The following WDR49 variants were observed in gnomAD, a reference collection of about 807,000 sequenced individuals.
WDR49 encodes WD repeat domain 49, also known as cilia- and flagella-associated protein 337.
A neutral mutation model predicts 119.5 loss-of-function variants in WDR49; 107 were observed. The observed-to-expected ratio is 0.90, with a 90% CI of 0.77 to 1.05. The LOEUF (loss-of-function observed/expected upper bound fraction) is 1.05. Ranked by LOEUF, WDR49 falls within the 50% of genes least tolerant of loss-of-function variation. The pLI is 0.00. For synonymous variants in WDR49, 425 were observed against 418.8 expected, an observed-to-expected ratio of 1.01 and a Z score of -0.18; for missense variants, 1,240 against 1,220.5, an observed-to-expected ratio of 1.02 and a Z score of -0.24.
intron 9 of WDR49, among the ~76,000 whole-genome samples, chr3:167,558,323 G>A (rs1713066378): frequency 2.0e-5 from 3 of 152,122 alleles, no homozygotes; most frequent in African/African-American, 7.2e-5. Flanking sequence ...CATAATGAAT[G>A]AGTTAATAAT....
At chr3:167,567,785 G>T (rs1280382818) in intron 8 of WDR49, among the ~76,000 whole-genome samples, 1 of 152,154 alleles carries the variant, frequency 6.6e-6, no homozygotes, top group Non-Finnish European at 1.5e-5. Context: ...GGGGCCAGGG[G>T]CATTGTCTAA....
chr3:167,560,617 C>T (rs1267546046), intron 8 of WDR49, among the ~76,000 whole-genome samples: 1 of 152,128 alleles, frequency 6.6e-6, no homozygotes, highest in African/African-American at 2.4e-5. Flanking sequence ...TATAATATAG[C>T]AGCTTTCATT....
rs116856922 is a variant in WDR49 at position 167,573,533 on chromosome 3, A to G, written c.1509+2385T>C. ...TATAAGAGCACACATTCCCTTAGCC[A>G]TAAGAACAATGCTGTTATCACACAA... is the stretch of plus-strand genomic sequence containing the variant. On this transcript the variant is annotated intron_variant, in intron 8 of 18. Coordinates refer to ENST00000682715, the MANE Select transcript of WDR49 (RefSeq NM_001366157.1). Among the ~76,000 whole-genome samples the G allele has an allele frequency of 1.0e-3, 159 of 152,274 alleles. 3 individuals carry two copies. In the East Asian group the frequency reaches 0.024, roughly 23 times the overall value.
intron 17 of WDR49, 76 bp from the exon 18 acceptor site, chr3:167,500,375 C>A: frequency 6.6e-7 from 1 of 1,522,734 alleles, no homozygotes; most frequent in Non-Finnish European, 8.8e-7. Flanking sequence ...AAAGAGCCAG[C>A]ACATTTCCAA....
At chr3:167,522,949 G>T (rs773449779) in intron 15 of WDR49, among the ~76,000 whole-genome samples, 1 of 152,132 alleles carries the variant, frequency 6.6e-6, no homozygotes, top group Non-Finnish European at 1.5e-5. Context: ...TTATATAATA[G>T]TTTTCACAGA....
upstream of WDR49, among the ~76,000 whole-genome samples, chr3:167,656,552 C>T (rs564944584): frequency 2.3e-4 from 35 of 152,152 alleles, no homozygotes; most frequent in Non-Finnish European, 4.3e-4. Flanking sequence ...ACTTAGCTTC[C>T]ATAAAGTTGC....
rs1201127252 is a variant in WDR49, at chr3:167,653,292, C to A, written c.134G>T (p.Gly45Val). Residue 45 changes from glycine to valine, a missense_variant, in exon 2 of 19, where the codon GGT (glycine) becomes GTT (valine). Coordinates refer to ENST00000682715, the MANE Select transcript of WDR49 (RefSeq NM_001366157.1). ...TGLLENQLSV[G>V]DFVKIQKAFE... is the part of the protein sequence containing the mutation. ...GGCCTTCTGTATTTTTACAAAGTCA[C>A]CCACGCTGAGTTGGTTTTCAAGCAG... is the stretch of plus-strand genomic sequence containing the variant. The A allele has an allele frequency of 1.4e-5, 21 of 1,536,118 alleles. No individual in the cohort carries two copies. Among genetic ancestry groups the A allele is most frequent in the Non-Finnish European group, 1.8e-5 (21 of 1,146,878 alleles).
Position 167,522,415 on chromosome 3 carries a change from T to C in WDR49, c.2674A>G (p.Ile892Val). The C allele has an allele frequency of 6.2e-7, 1 of 1,611,800 alleles. No homozygotes were observed. The highest frequency in any genetic ancestry group is 8.5e-7 in the Non-Finnish European group (1 of 1,179,308). ...GAAAATAAAGAAATTTCCTTTTGAA[T>C]CTCACTTTCCACTAAATTAGTATCT... The part of the protein sequence containing the change: ...KRDTNLVESE[I>V]QKEISLFSKE... Residue 892 changes from isoleucine (I) to valine (V), a missense_variant, in exon 16 of 19, where the codon ATT (isoleucine) becomes GTT (valine). Physicochemically the swap from Ile to Val is conservative, Grantham distance 29. Transcript: ENST00000682715.
chr3:167,508,767 G>A (rs1751865046), intron 16 of WDR49, among the ~76,000 whole-genome samples: 1 of 152,140 alleles, frequency 6.6e-6, no homozygotes, highest in Non-Finnish European at 1.5e-5. Context: ...ATGGACATAG[G>A]ATAGTTATTG....
At chr3:167,485,887 C>T (rs1750901037) in intron 18 of WDR49, among the ~76,000 whole-genome samples, 1 of 151,392 alleles carries the variant, frequency 6.6e-6, no homozygotes, top group East Asian at 1.9e-4. Context: ...CACACAAATC[C>T]AAGAAATACA....
At chr3:167,645,766 T>C (rs955087349) in intron 2 of WDR49, among the ~76,000 whole-genome samples, 3 of 152,158 alleles carry the variant, frequency 2.0e-5, no homozygotes, top group African/African-American at 4.8e-5. Context: ...TCCTCCAGAA[T>C]CTATGTTGCG....
In WDR49 at chr3:167,479,105, G is replaced by A. The variant is rs902685809; in HGVS notation, c.3032-109C>T. The A allele has an allele frequency of 8.2e-6, 7 of 856,232 alleles. No homozygotes were observed. The Admixed American group carries it at 1.6e-4, about 20-fold the overall frequency. 53.0% of individuals were successfully genotyped at this position (856,232 alleles called of 1,614,324 possible). A position where few individuals can be genotyped will look rare whatever the true frequency, so the allele number is the denominator to read the frequency against. On this transcript the variant is annotated intron_variant, in intron 18 of 18. Coordinates refer to ENST00000682715, the MANE Select transcript of WDR49 (RefSeq NM_001366157.1). The stretch of plus-strand genomic sequence containing the variant: ...AATTTTGCTTTTTCTAAAAATCTTT[G>A]TTTCTAAAACACAGAGTGTATTTGG...
chr3:167,480,037 C>T (rs986162347), intron 18 of WDR49, among the ~76,000 whole-genome samples: 2 of 151,756 alleles, frequency 1.3e-5, no homozygotes, highest in African/African-American at 4.8e-5. Context: ...TCGAGACTAG[C>T]CTGGCCAATT....
intron 10 of WDR49, among the ~76,000 whole-genome samples, chr3:167,542,984 A>G (rs1480650461): frequency 6.6e-6 from 1 of 152,092 alleles, no homozygotes; most frequent in East Asian, 1.9e-4. Context: ...CCACAGAAAT[A>G]TGAAAGATCA....
At chr3:167,553,402 G>A (rs1414536560) in intron 10 of WDR49, among the ~76,000 whole-genome samples, 3 of 151,838 alleles carry the variant, frequency 2.0e-5, no homozygotes, top group Non-Finnish European at 4.4e-5. Context: ...CCACTTTTAG[G>A]TGACTCTACA....
chr3:167,646,955 T>C (rs747144731), intron 2 of WDR49, among the ~76,000 whole-genome samples: 2 of 152,138 alleles, frequency 1.3e-5, no homozygotes, highest in African/African-American at 2.4e-5. Flanking sequence ...CAGAAATCAC[T>C]AAGGGACAGT....
intron 10 of WDR49, among the ~76,000 whole-genome samples, chr3:167,552,676 C>A (rs1577235205): frequency 1.3e-5 from 2 of 151,588 alleles, no homozygotes; most frequent in African/African-American, 4.9e-5. Flanking sequence ...GAGATAAGAC[C>A]TGAAGACAGA....
chr3:167,631,363 G>A lies in WDR49; in HGVS notation c.166-4071C>T, dbSNP rs192942354. On this transcript the variant is annotated intron_variant, in intron 2 of 18. Transcript: ENST00000682715. ...AAGGACGCTTGTTTACAATATGAGA[G>A]CTGAAACAAGAAAGCAGAGTGTTGC... Among the ~76,000 whole-genome samples the A allele has an allele frequency of 1.6e-4, 24 of 152,188 alleles. No individual in the cohort carries two copies. In the South Asian group the frequency reaches 2.5e-3, roughly 16 times the overall value.
intron 2 of WDR49, among the ~76,000 whole-genome samples, chr3:167,649,227 T>C (rs1718263934): frequency 6.6e-6 from 1 of 151,890 alleles, no homozygotes; most frequent in South Asian, 2.1e-4. Flanking sequence ...GTAGTGAAGG[T>C]ACAATGGGCA....
Sources: gnomAD v4.1 joint callset for allele counts (sites outside exome capture counted in the v4.1 genomes callset) on GRCh38, gnomAD v4.1.1 for gene constraint, MANE v1.5 for transcripts, NCBI Gene and HGNC (gene_info 2026-07-23, HGNC 2026-07-21) for gene names.